LATS2: variants seen among roughly 807,000 people sequenced by gnomAD.
The protein encoded by LATS2 is serine/threonine-protein kinase LATS2.
In LATS2, 24 loss-of-function variants were observed where a neutral mutation model predicts 76.0. The observed-to-expected ratio is 0.32, with a 90% CI of 0.23 to 0.44. LATS2 has a LOEUF of 0.44. Among genes scored for constraint, LATS2 ranks in the 20% least tolerant of loss-of-function variants. The probability of loss-of-function intolerance (pLI) is 1.00; values close to 1 mark genes in which losing one functional copy is unlikely to be tolerated. For missense variants in LATS2, 1,286 were observed against 1,481.2 expected (o/e 0.87, Z 2.16); for synonymous variants, 692 against 635.4 (o/e 1.09, Z -1.34).
At position 20,988,609 on chromosome 13, in the gene LATS2, G is replaced by A. The variant is rs1225626637; in HGVS notation, c.1171C>T (p.Arg391Cys). 6.9e-6 allele frequency: 11 copies of A among 1,589,364 alleles called. No individual in the cohort carries two copies. Among genetic ancestry groups the A allele is most frequent in the East Asian group, 6.8e-5 (3 of 44,400 alleles). The change falls in exon 4 of 8, where the codon CGC (arginine) becomes TGC (cysteine). Residue 391 changes from arginine (R) to cysteine (C), a missense_variant. Around this residue, in one of 5 missense-constraint regions of LATS2, gnomAD observed 710 missense variants for 660.9 expected, o/e 1.07. Transcript: ENST00000382592. ...TCAGGCCGGAAGGCCACGTGCGCGC[G>A]CGGCGGCGCCTCCAGGCCCGGCTTC... is the stretch of plus-strand genomic sequence containing the variant. ...LQKPGLEAPP[R>C]AHVAFRPDCP... is the part of the protein sequence containing the mutation.
At chr13:21,015,357 G>A (rs752236817) in intron 2 of LATS2, among the ~76,000 whole-genome samples, 19 of 152,292 alleles carry the variant, frequency 1.2e-4, no homozygotes, top group Admixed American at 3.3e-4. Context: ...ACACACGAAG[G>A]ACCAGGACCC....
Position 20,999,278 on chromosome 13 carries a change from C to G in LATS2, c.343-7874G>C, listed in dbSNP as rs562950142. Among the ~76,000 whole-genome samples, 5 of 152,352 alleles carry G rather than the reference C, an allele frequency of 3.3e-5. No homozygotes were observed. The East Asian group carries it at 7.7e-4, about 24-fold the overall frequency. ...GACCGCTGGTGGCGCCGCAGGCCCC[C>G]GAACCTTGGTAAACCAGACACACGC... On this transcript the variant is annotated intron_variant, in intron 2 of 7. Transcript: ENST00000382592.
At chr13:20,996,529 C>T (rs673314) in intron 2 of LATS2, among the ~76,000 whole-genome samples, 107,878 of 151,888 alleles carry the variant, frequency 0.71, 39,437 homozygotes, top group Middle Eastern at 0.83. Context: ...ATGCATGAAC[C>T]ACCACCATAC....
intron 6 of LATS2, 60 bp downstream of exon 6, chr13:20,981,406 T>A (rs870847): frequency 0.48 from 715,178 of 1,476,376 alleles, 174,552 homozygotes; most frequent in Non-Finnish European, 0.5. Context: ...CCAGCGAGAC[T>A]CAGCTCACGT....
In LATS2 at chr13:21,019,329, TTA is replaced by T. The variant is rs1442239563; in HGVS notation, c.342+26354_342+26355del. ...ATTATTATTATTATTATTATTATTA[TTA>T]TTATTATTATTTGAGACAGAGTTTC... On this transcript the variant is annotated intron_variant, in intron 2 of 7. Transcript: ENST00000382592. 3.1e-3 allele frequency among the ~76,000 whole-genome samples: 443 copies of T among 144,088 alleles called. 1 individual carries two copies. The highest frequency in any genetic ancestry group is 0.011 in the African/African-American group (418 of 36,900). The allele number at this position is 144,088 out of a possible 152,430, so 94.5% of individuals were successfully genotyped here.
rs780744866 is a variant in LATS2 at position 20,988,104 on chromosome 13, T to C, written c.1676A>G (p.Lys559Arg). 9.3e-6 allele frequency: 15 copies of C among 1,614,124 alleles called. No individual in the cohort carries two copies. The highest frequency in any genetic ancestry group is 4.0e-5 in the African/African-American group (3 of 74,952). The change falls in exon 4 of 8, where the codon AAA (lysine) becomes AGA (arginine). Residue 559 changes from lysine to arginine, a missense_variant. By Grantham distance (26) the Lys-to-Arg change is conservative. Coordinates refer to ENST00000382592, the MANE Select transcript of LATS2 (RefSeq NM_014572.3). ...TCCGCCTTTGTCCCCCTTGGCGCTT[T>C]TGCGGCTCTTGTCGCCGCCCTCGGG... ...NEPEGGDKSR[K>R]SAKGDKGGKD...
At position 20,975,064 on chromosome 13, in the gene LATS2, G is replaced by A. The variant is rs773354669; in HGVS notation, c.3073C>T (p.Leu1025Phe). The A allele has an allele frequency of 5.0e-6, 8 of 1,614,134 alleles. No homozygotes were observed. In the African/African-American group the frequency reaches 1.1e-4, roughly 22 times the overall value. The stretch of plus-strand genomic sequence containing the variant: ...GGATGCTTGTTATTGGGCGAGGTGA[G>A]TGTGTCCCAGGCCTTGGTGCTACCT... ...SEGSTKAWDT[L>F]TSPNNKHPEH... Residue 1025 changes from leucine (L) to phenylalanine (F), a missense_variant, in exon 8 of 8, where the codon CTC (leucine) becomes TTC (phenylalanine). Physicochemically the swap from Leu to Phe is conservative, Grantham distance 22. Around this residue, in one of 5 missense-constraint regions of LATS2, gnomAD observed 210 missense variants for 234.9 expected, o/e 0.89. Coordinates refer to ENST00000382592, the MANE Select transcript of LATS2 (RefSeq NM_014572.3).
rs763870231 is a variant in LATS2 at position 20,988,847 on chromosome 13, G to C, written c.933C>G (p.Leu311=). The C allele has an allele frequency of 2.5e-6, 4 of 1,591,724 alleles. No homozygotes were observed. The highest frequency in any genetic ancestry group is 2.2e-5 in the South Asian group (2 of 90,074). The part of the protein sequence containing the change: ...GLAFPPPAAG[L]YVPHPHHKQA... Reference sequence around the variant, plus strand: ...GCTTGTGGTGTGGGTGCGGCACGTAGAGCCCGGCGGCAGGGGGTGGGAAAG... The same window carrying C: ...GCTTGTGGTGTGGGTGCGGCACGTACAGCCCGGCGGCAGGGGGTGGGAAAG... The change falls in exon 4 of 8, where the codon CTC becomes CTG. Residue 311 remains leucine, a synonymous_variant. Transcript: ENST00000382592.
rs368369677 is a variant in LATS2 at position 20,989,271 on chromosome 13, C to G, written c.509G>C (p.Arg170Thr). The G allele has an allele frequency of 1.9e-6, 3 of 1,613,892 alleles. No homozygotes were observed. Among genetic ancestry groups the G allele is most frequent in the Non-Finnish European group, 2.5e-6 (3 of 1,180,034 alleles). The change falls in exon 4 of 8, where the codon AGG (arginine) becomes ACG (threonine). Residue 170 changes from arginine to threonine, a missense_variant. This residue lies in a region of LATS2 where 710 missense variants were observed against 660.9 expected (regional missense o/e 1.07). Coordinates refer to ENST00000382592, the MANE Select transcript of LATS2 (RefSeq NM_014572.3). ...KGLMPTPVTRRPSFEGTGDSF... is the reference protein window; with the variant it reads ...KGLMPTPVTRTPSFEGTGDSF... ...ATCGCCGGTTCCTTCGAAGCTGGGC[C>G]TCCGCGTCACTGGGGTTGGCATGAG...
chr13:20,992,880 C>T (rs1870567610), intron 2 of LATS2, among the ~76,000 whole-genome samples: 1 of 151,908 alleles, frequency 6.6e-6, no homozygotes, highest in Non-Finnish European at 1.5e-5. Flanking sequence ...GCTAAAAATA[C>T]AAAAATTAGC....
At chr13:21,058,112 T>A (rs532860872) in intron 1 of LATS2, among the ~76,000 whole-genome samples, 85 of 152,352 alleles carry the variant, frequency 5.6e-4, no homozygotes, top group African/African-American at 2.0e-3. Context: ...GTCACTTCAA[T>A]CAAGCCTTAC....
At chr13:21,036,783 C>CAACAACAAAA (rs1460855313) in intron 2 of LATS2, among the ~76,000 whole-genome samples, 7 of 151,990 alleles carry the variant, frequency 4.6e-5, no homozygotes, top group Admixed American at 3.9e-4. Flanking sequence ...AAAACAACAA[C>CAACAACAAAA]AACAACAACA....
chr13:21,050,943 G>A (rs527650007), intron 1 of LATS2, among the ~76,000 whole-genome samples: 1 of 152,138 alleles, frequency 6.6e-6, no homozygotes, highest in East Asian at 1.9e-4. Flanking sequence ...AGCCACGTGA[G>A]GGGGGGCAGG....
chr13:20,997,741 T>G (rs769413532), intron 2 of LATS2, among the ~76,000 whole-genome samples: 8 of 152,198 alleles, frequency 5.3e-5, no homozygotes, highest in Non-Finnish European at 1.0e-4. Context: ...TGGAAGACAC[T>G]CCTTCAATCT....
chr13:20,975,470 G>C, intron 7 of LATS2, 106 bp from the exon 8 acceptor site: 1 of 1,219,438 alleles, frequency 8.2e-7, no homozygotes, highest in Non-Finnish European at 1.1e-6. Context: ...TTCACAATAG[G>C]AGAGGAGTTA....
At chr13:21,047,543 C>T (rs1481595540) in intron 1 of LATS2, among the ~76,000 whole-genome samples, 1 of 152,116 alleles carries the variant, frequency 6.6e-6, no homozygotes, top group African/African-American at 2.4e-5. Flanking sequence ...GAGCAGATTT[C>T]GAAGGATAAT....
intron 7 of LATS2, among the ~76,000 whole-genome samples, chr13:20,977,385 CAAAA>C (rs112150926): frequency 4.9e-5 from 4 of 81,820 alleles, no homozygotes; most frequent in Admixed American, 2.4e-4. Flanking sequence ...AACCCTGTCT[CAAAA>C]AAAAAAAAAA....
intron 2 of LATS2, among the ~76,000 whole-genome samples, chr13:21,014,177 G>GT (rs1871708384): frequency 6.6e-6 from 1 of 152,110 alleles, no homozygotes; most frequent in South Asian, 2.1e-4. Flanking sequence ...TGAGTCGGGG[G>GT]CAGGGGGAAA....
chr13:21,022,998 G>T (rs1872132133), intron 2 of LATS2: 1 of 152,250 alleles, frequency 6.6e-6, no homozygotes, highest in African/African-American at 2.4e-5. Flanking sequence ...GATTAGCCAG[G>T]AAAGGGGGTG....
Sources: gnomAD v4.1 joint callset for allele counts (sites outside exome capture counted in the v4.1 genomes callset) on GRCh38, gnomAD v4.1.1 for gene constraint, gnomAD v4.1.1 regional missense constraint, MANE v1.5 for transcripts, NCBI Gene and HGNC (gene_info 2026-07-23, HGNC 2026-07-21) for gene names.